The following MPDZ variants were observed in gnomAD, a reference collection of about 807,000 sequenced individuals.
MPDZ encodes the protein multiple PDZ domain protein.
A neutral mutation model predicts 239.1 loss-of-function variants in MPDZ; 234 were observed. The ratio of observed to expected loss-of-function variants is 0.98; its 90% confidence interval spans 0.88 to 1.09. MPDZ has a LOEUF of 1.09. MPDZ is among the 50% of genes least tolerant of loss of function. The pLI is 0.00. For missense variants in MPDZ, 3,175 were observed against 2,510.0 expected, an observed-to-expected ratio of 1.26 and a Z score of -5.66; for synonymous variants, 1,048 against 881.3, an observed-to-expected ratio of 1.19 and a Z score of -3.35.
At position 13,134,127 on chromosome 9, in the gene MPDZ, A is replaced by G. The variant is rs149285084; in HGVS notation, c.4384-223T>C. ...AATTTATGAACATTACATTCTCTTC[A>G]AAATACTTACGAGGTGTAACTGGAC... is the stretch of plus-strand genomic sequence containing the variant. On this transcript the variant is annotated intron_variant, in intron 31 of 46. Transcript: ENST00000319217. 390 of 200,672 alleles carry G rather than the reference A, an allele frequency of 1.9e-3. 4 individuals carry two copies. The highest frequency in any genetic ancestry group is 8.6e-3 in the African/African-American group (367 of 42,876). 12.4% of individuals were successfully genotyped at this position (200,672 alleles called of 1,614,324 possible). A position where few individuals can be genotyped will look rare whatever the true frequency, so the allele number is the denominator to read the frequency against.
At chr9:13,150,112 T>A (rs1038758624) in intron 25 of MPDZ, among the ~76,000 whole-genome samples, 2 of 152,098 alleles carry the variant, frequency 1.3e-5, no homozygotes, top group African/African-American at 2.4e-5. Context: ...TCTAATGTAA[T>A]CTTAATTCAA....
chr9:13,188,715 G>T, intron 17 of MPDZ, 69 bp downstream of exon 17: 1 of 1,398,748 alleles, frequency 7.1e-7, no homozygotes, highest in Non-Finnish European at 9.8e-7. Flanking sequence ...AACACCTAAA[G>T]CGAAAAGTAG....
chr9:13,216,736 T>C (rs900196959), intron 10 of MPDZ, 38 bp downstream of exon 10: 8 of 1,447,014 alleles, frequency 5.5e-6, no homozygotes, highest in South Asian at 4.7e-5. Flanking sequence ...TTCTCAACCA[T>C]GAAAATTAAC....
chr9:13,226,995 G>A (rs1005621602), intron 3 of MPDZ, among the ~76,000 whole-genome samples: 4 of 151,754 alleles, frequency 2.6e-5, no homozygotes, highest in East Asian at 1.9e-4. Flanking sequence ...TTTTCATCAC[G>A]GTGTTCCTAT....
intron 1 of MPDZ, among the ~76,000 whole-genome samples, chr9:13,277,233 T>TA (rs1974428993): frequency 6.7e-6 from 1 of 150,246 alleles, no homozygotes; most frequent in African/African-American, 2.5e-5. Flanking sequence ...GCCTAGTCAA[T>TA]AAAAAGGAGT....
At chr9:13,144,472 T>G (rs1325658504) in intron 26 of MPDZ, among the ~76,000 whole-genome samples, 1 of 152,048 alleles carries the variant, frequency 6.6e-6, no homozygotes, top group Non-Finnish European at 1.5e-5. Flanking sequence ...TCACACCCGC[T>G]ATCTTTTTCT....
intron 3 of MPDZ, among the ~76,000 whole-genome samples, chr9:13,247,239 C>T (rs935478880): frequency 1.4e-4 from 21 of 152,158 alleles, no homozygotes; most frequent in African/African-American, 4.8e-4. Flanking sequence ...ACATGCAAAT[C>T]CACGCTTATC....
At chr9:13,115,067 C>T (rs1180926610) in intron 40 of MPDZ, among the ~76,000 whole-genome samples, 181 bp downstream of exon 40, 1 of 152,112 alleles carries the variant, frequency 6.6e-6, no homozygotes, top group African/African-American at 2.4e-5. Flanking sequence ...ACTCAACAGC[C>T]ACACCTTGTT....
chr9:13,149,734 C>G (rs1948904350), intron 25 of MPDZ, among the ~76,000 whole-genome samples: 1 of 152,002 alleles, frequency 6.6e-6, no homozygotes, highest in Admixed American at 6.6e-5. Flanking sequence ...AGAGGAGAGT[C>G]TATTTAAAAT....
At chr9:13,140,983 A>G (rs1037240921) in intron 27 of MPDZ, 2 of 152,080 alleles carry the variant, frequency 1.3e-5, no homozygotes, top group African/African-American at 2.4e-5. Flanking sequence ...GGACAACACC[A>G]GCTTTCCCTT....
intron 8 of MPDZ, 137 bp from the exon 9 acceptor site, chr9:13,217,431 A>G: frequency 1.6e-6 from 1 of 606,616 alleles, no homozygotes; most frequent in South Asian, 2.2e-5. Context: ...GAATTATAGC[A>G]GAGACGATTC....
At chr9:13,228,318 A>G (rs1961272394) in intron 3 of MPDZ, among the ~76,000 whole-genome samples, 1 of 152,108 alleles carries the variant, frequency 6.6e-6, no homozygotes, top group Non-Finnish European at 1.5e-5. Context: ...GCTATTACCT[A>G]AAACATAACC....
rs567646889 is a variant in MPDZ at position 13,212,624 on chromosome 9, C to T, written c.1290+4150G>A. Among the ~76,000 whole-genome samples, 14 of 151,476 alleles carry T rather than the reference C, an allele frequency of 9.2e-5. No homozygotes were observed. The East Asian group carries it at 2.6e-3, about 28-fold the overall frequency. The stretch of plus-strand genomic sequence containing the variant: ...ACCCATGGTACCACAGAGAAGAGTG[C>T]AGTAGAACTAGGTAGTATAATGGCA... On this transcript the variant is annotated intron_variant, in intron 10 of 46. Transcript: ENST00000319217.
intron 10 of MPDZ, among the ~76,000 whole-genome samples, chr9:13,216,172 C>A (rs542669929): frequency 3.3e-5 from 5 of 151,200 alleles, no homozygotes; most frequent in African/African-American, 1.2e-4. Flanking sequence ...CTGGGGAGTC[C>A]GGTATCAACT....
At chr9:13,176,019 T>G in intron 20 of MPDZ, 117 bp downstream of exon 20, 1 of 1,420,874 alleles carries the variant, frequency 7.0e-7, no homozygotes, top group Non-Finnish European at 9.3e-7. Flanking sequence ...TAGGTTGCCT[T>G]CTGAAAATCT....
chr9:13,183,634 T>A, intron 18 of MPDZ, 49 bp from the exon 19 acceptor site: 5 of 1,573,482 alleles, frequency 3.2e-6, no homozygotes, highest in Middle Eastern at 1.7e-4. Flanking sequence ...CTATTACATA[T>A]ATGACAAACA....
chr9:13,162,206 G>A (rs1253713485), intron 23 of MPDZ, among the ~76,000 whole-genome samples: 2 of 150,810 alleles, frequency 1.3e-5, no homozygotes, highest in Non-Finnish European at 2.9e-5. Flanking sequence ...AGAGGCTGCA[G>A]TTAACTGTAA....
Position 13,255,707 on chromosome 9 carries a change from G to A in MPDZ, c.-57-5335C>T, listed in dbSNP as rs144752006. Among the ~76,000 whole-genome samples, 1,359 of 152,158 alleles carry A rather than the reference G, an allele frequency of 8.9e-3. 8 individuals are homozygous for A. The highest frequency in any genetic ancestry group is 0.014 in the Non-Finnish European group (937 of 68,006). On this transcript the variant is annotated intron_variant, in intron 1 of 46. Transcript: ENST00000319217. ...TTTCTGAGCAGTAGGTCTCAACAGC[G>A]GGCTTAAAACATTCAGTAAACCATG...
chr9:13,159,421 A>G (rs984336947), intron 23 of MPDZ, among the ~76,000 whole-genome samples: 1 of 152,166 alleles, frequency 6.6e-6, no homozygotes, highest in Admixed American at 6.6e-5. Context: ...AAGAGCTCCA[A>G]GAGGGAGATC....
Sources: allele counts gnomAD v4.1 joint callset (sites outside exome capture counted in the v4.1 genomes callset), GRCh38; gene constraint gnomAD v4.1.1; transcripts MANE v1.5; gene names NCBI Gene and HGNC (gene_info 2026-07-23, HGNC 2026-07-21).